The following SLC35F1 variants were observed in gnomAD, a reference collection of about 807,000 sequenced individuals.
SLC35F1 encodes the protein chromosome 6 open reading frame 169.
SLC35F1 carries 14 observed loss-of-function variants against 48.7 expected under a neutral mutation model. The observed-to-expected ratio is 0.29, with a 90% CI of 0.19 to 0.45. SLC35F1 has a LOEUF of 0.45. SLC35F1 is among the 20% of genes least tolerant of loss of function. SLC35F1 has a pLI of 1.00. For synonymous variants in SLC35F1, 190 were observed against 202.2 expected, an observed-to-expected ratio of 0.94 and a Z score of 0.51; for missense variants, 404 against 500.0, an observed-to-expected ratio of 0.81 and a Z score of 1.83.
chr6:117,963,395 C>A (rs903747084), intron 1 of SLC35F1, among the ~76,000 whole-genome samples: 1 of 150,616 alleles, frequency 6.6e-6, no homozygotes, highest in Non-Finnish European at 1.5e-5. Context: ...TTTGTGCCAG[C>A]GATTCTAACT....
rs1562122038 is a variant in SLC35F1 at position 118,314,628 on chromosome 6, G to C, written c.*376G>C. On this transcript the variant is annotated 3_prime_UTR_variant, in exon 8 of 8. Coordinates refer to ENST00000360388, the MANE Select transcript of SLC35F1 (RefSeq NM_001029858.4). ...GTACTCCTGATGGAAACTATTGCCA[G>C]ACCCACATGTAGTCAACATAAACCC... 2 of 245,202 alleles carry C rather than the reference G, an allele frequency of 8.2e-6. No homozygotes were observed. Among genetic ancestry groups the C allele is most frequent in the Non-Finnish European group, 1.6e-5 (2 of 122,964 alleles). 15.2% of individuals were successfully genotyped at this position (245,202 alleles called of 1,614,324 possible).
At chr6:118,259,576 T>G (rs1775686828) in intron 3 of SLC35F1, among the ~76,000 whole-genome samples, 1 of 151,990 alleles carries the variant, frequency 6.6e-6, no homozygotes, top group Non-Finnish European at 1.5e-5. Flanking sequence ...TGAATAGATA[T>G]TTTTCAAAGA....
chr6:118,112,579 G>C (rs936749773), intron 1 of SLC35F1, among the ~76,000 whole-genome samples: 3 of 152,032 alleles, frequency 2.0e-5, no homozygotes, highest in Non-Finnish European at 4.4e-5. Context: ...ACCCTCTTTT[G>C]AGGTCTGCAT....
At chr6:117,911,295 A>G (rs946226257) in intron 1 of SLC35F1, among the ~76,000 whole-genome samples, 1 of 152,190 alleles carries the variant, frequency 6.6e-6, no homozygotes, top group Admixed American at 6.5e-5. Flanking sequence ...TGGAATAATT[A>G]CTACTCCTTT....
At chr6:118,034,405 A>G (rs1772098076) in intron 1 of SLC35F1, among the ~76,000 whole-genome samples, 1 of 152,014 alleles carries the variant, frequency 6.6e-6, no homozygotes. Flanking sequence ...TGAAAATACA[A>G]AAAGTAGCCA....
chr6:118,052,739 AT>A (rs1772408511), intron 1 of SLC35F1, among the ~76,000 whole-genome samples: 1 of 152,346 alleles, frequency 6.6e-6, no homozygotes, highest in African/African-American at 2.4e-5. Context: ...TGTGAAAAAA[AT>A]AACAGGATCT....
intron 6 of SLC35F1, among the ~76,000 whole-genome samples, chr6:118,282,058 A>G (rs1033491395): frequency 3.3e-5 from 5 of 152,228 alleles, no homozygotes; most frequent in African/African-American, 1.2e-4. Flanking sequence ...ACATTCCAAG[A>G]GGAAATGTTT....
At chr6:118,272,715 A>G (rs759080521) in intron 4 of SLC35F1, among the ~76,000 whole-genome samples, 1 of 137,136 alleles carries the variant, frequency 7.3e-6, no homozygotes, top group Non-Finnish European at 1.6e-5. Context: ...TTCTCCCTGG[A>G]TTAAAAAATA....
chr6:118,065,289 G>A (rs1261096130), intron 1 of SLC35F1, among the ~76,000 whole-genome samples: 1 of 152,156 alleles, frequency 6.6e-6, no homozygotes, highest in Non-Finnish European at 1.5e-5. Context: ...TTCTGCAAAA[G>A]CTAAGAGATA....
At chr6:117,930,816 T>G (rs944235375) in intron 1 of SLC35F1, among the ~76,000 whole-genome samples, 3 of 152,186 alleles carry the variant, frequency 2.0e-5, no homozygotes, top group African/African-American at 7.2e-5. Flanking sequence ...TAGTAAGTGC[T>G]TTTGAGCAAG....
intron 1 of SLC35F1, among the ~76,000 whole-genome samples, chr6:118,112,892 A>G (rs1033400460): frequency 6.6e-6 from 1 of 152,128 alleles, no homozygotes; most frequent in African/African-American, 2.4e-5. Flanking sequence ...CCCTTTAAAT[A>G]TGAATGGTCT....
chr6:117,910,422 T>C (rs1775746936), intron 1 of SLC35F1, among the ~76,000 whole-genome samples: 1 of 152,238 alleles, frequency 6.6e-6, no homozygotes, highest in African/African-American at 2.4e-5. Flanking sequence ...TCTCCTTTTT[T>C]GCTTTCTTCT....
intron 1 of SLC35F1, among the ~76,000 whole-genome samples, chr6:118,111,693 G>A (rs1773402788): frequency 6.6e-6 from 1 of 152,106 alleles, no homozygotes. Context: ...ATAAAATTTT[G>A]TTATTCTTAA....
chr6:118,188,031 T>A (rs1010876150), intron 2 of SLC35F1, among the ~76,000 whole-genome samples: 3 of 152,184 alleles, frequency 2.0e-5, no homozygotes, highest in Non-Finnish European at 4.4e-5. Flanking sequence ...GTAACTATCT[T>A]TAACTTGAGC....
At chr6:118,057,061 A>G (rs1373749724) in intron 1 of SLC35F1, among the ~76,000 whole-genome samples, 1 of 152,178 alleles carries the variant, frequency 6.6e-6, no homozygotes, top group Non-Finnish European at 1.5e-5. Context: ...TAGATTTGGT[A>G]GTAATGAGAT....
At position 118,248,999 on chromosome 6, in the gene SLC35F1, G is replaced by A. The variant is rs139716922; in HGVS notation, c.477+13363G>A. Among the ~76,000 whole-genome samples the A allele has an allele frequency of 5.7e-3, 861 of 152,292 alleles. 10 individuals carry two copies. The highest frequency in any genetic ancestry group is 0.019 in the African/African-American group (803 of 41,554). On this transcript the variant is annotated intron_variant, in intron 3 of 7. Transcript: ENST00000360388. The stretch of plus-strand genomic sequence containing the variant: ...CTCCCCTGCCCTTTACCATGCACGC[G>A]AGGACACAGAGAAATGACTGCTGTC...
At chr6:118,141,059 C>T (rs932464529) in intron 1 of SLC35F1, among the ~76,000 whole-genome samples, 1 of 152,090 alleles carries the variant, frequency 6.6e-6, no homozygotes, top group African/African-American at 2.4e-5. Flanking sequence ...AAATTTAGTA[C>T]AGCCTAAGTT....
chr6:117,952,663 C>T lies in SLC35F1; in HGVS notation c.173+44764C>T, dbSNP rs753014723. ...TCAAACTCGAGACTGGAGACAGATT[C>T]TTCTTAATTACAAAGGAGAGAAAGA... On this transcript the variant is annotated intron_variant, in intron 1 of 7. Coordinates refer to ENST00000360388, the MANE Select transcript of SLC35F1 (RefSeq NM_001029858.4). Among the ~76,000 whole-genome samples the T allele has an allele frequency of 3.3e-4, 50 of 152,162 alleles. 1 individual carries two copies. Among genetic ancestry groups the T allele is most frequent in the Non-Finnish European group, 6.3e-4 (43 of 67,952 alleles).
intron 1 of SLC35F1, among the ~76,000 whole-genome samples, chr6:117,936,944 T>C (rs555999369): frequency 6.6e-6 from 1 of 152,296 alleles, no homozygotes; most frequent in Non-Finnish European, 1.5e-5. Context: ...TTCATAATCA[T>C]TGAAAAATGC....
Sources: gnomAD v4.1 joint callset for allele counts (sites outside exome capture counted in the v4.1 genomes callset) on GRCh38, gnomAD v4.1.1 for gene constraint, MANE v1.5 for transcripts, NCBI Gene and HGNC (gene_info 2026-07-23, HGNC 2026-07-21) for gene names.